The following AFF2 variants were observed in gnomAD, a reference collection of about 807,000 sequenced individuals.
The protein encoded by AFF2 is AF4/FMR2 family member 2.
Under a neutral mutation model 76.9 loss-of-function variants are expected in AFF2, and 14 were observed. That is an observed-to-expected ratio of 0.18 (90% CI 0.12 to 0.28). The LOEUF (loss-of-function observed/expected upper bound fraction) is 0.28, where lower values mean the gene tolerates loss of function less well. AFF2 is among the 10% of genes least tolerant of loss of function. AFF2 has a pLI of 1.00. For synonymous variants in AFF2, 398 were observed against 366.7 expected, an observed-to-expected ratio of 1.09 and a Z score of -0.98; for missense variants, 868 against 1,001.1, an observed-to-expected ratio of 0.87 and a Z score of 1.79.
At chrX:148,522,899 A>T (rs1227424652) in intron 1 of AFF2, among the ~76,000 whole-genome samples, 4 of 112,728 alleles carry the variant, frequency 3.5e-5, no homozygotes, top group African/African-American at 9.7e-5. Flanking sequence ...GCTCTACGTG[A>T]TCACACATGT....
At chrX:148,942,806 A>T (rs782065318) in intron 9 of AFF2, among the ~76,000 whole-genome samples, 1 of 76,422 alleles carries the variant, frequency 1.3e-5, no homozygotes, top group East Asian at 4.5e-4. Context: ...ATAGTGTGAG[A>T]CTCCATCTCA....
In AFF2 at chrX:148,999,194, T is replaced by C. The variant is rs189235006; in HGVS notation, c.*7862T>C. 19 of 111,388 alleles carry C rather than the reference T, an allele frequency of 1.7e-4. No individual in the cohort carries two copies. Among genetic ancestry groups the C allele is most frequent in the Admixed American group, 8.6e-4 (9 of 10,474 alleles). The allele number at this position is 111,388 out of a possible 1,213,427, so 9.2% of individuals were successfully genotyped here. Reference sequence around the variant, plus strand: ...ACTTGCAAAATACCCCTGAGAGTTGTCAGGGGTGTCTTCTGCCTGGTCTAT... The same window carrying C: ...ACTTGCAAAATACCCCTGAGAGTTGCCAGGGGTGTCTTCTGCCTGGTCTAT... On this transcript the variant is annotated 3_prime_UTR_variant, in exon 21 of 21. Coordinates refer to ENST00000370460, the MANE Select transcript of AFF2 (RefSeq NM_002025.4).
intron 1 of AFF2, among the ~76,000 whole-genome samples, chrX:148,579,422 C>G (rs2053329393): frequency 9.0e-6 from 1 of 111,294 alleles, no homozygotes; most frequent in African/African-American, 3.3e-5. Flanking sequence ...CAATGCAAGG[C>G]CAAACACAAT....
intron 3 of AFF2, among the ~76,000 whole-genome samples, chrX:148,750,183 T>C (rs2124574338): frequency 9.1e-6 from 1 of 110,356 alleles, no homozygotes; most frequent in South Asian, 3.9e-4. Flanking sequence ...TTGGCCAGGC[T>C]GGTCTCGAAC....
intron 7 of AFF2, among the ~76,000 whole-genome samples, chrX:148,857,000 G>A (rs1210905587): frequency 8.9e-6 from 1 of 112,047 alleles, no homozygotes; most frequent in Non-Finnish European, 1.9e-5. Context: ...TTCAGACTCT[G>A]CCTTTAATTA....
intron 3 of AFF2, among the ~76,000 whole-genome samples, chrX:148,741,455 G>C (rs868978024): frequency 4.5e-5 from 5 of 110,616 alleles, no homozygotes; most frequent in African/African-American, 1.7e-4. Flanking sequence ...TAGCTCCCAC[G>C]CAAACTGAAT....
chrX:148,828,066 C>T (rs2070410430), intron 4 of AFF2, among the ~76,000 whole-genome samples: 1 of 110,645 alleles, frequency 9.0e-6, no homozygotes, highest in East Asian at 2.8e-4. Context: ...ATGAAAGCCT[C>T]GCGAATTATC....
At chrX:148,884,017 G>A (rs1446644919) in intron 7 of AFF2, among the ~76,000 whole-genome samples, 1 of 110,776 alleles carries the variant, frequency 9.0e-6, no homozygotes, top group African/African-American at 3.3e-5. Flanking sequence ...GGAAAGTAAA[G>A]CCATTTATAA....
At chrX:148,830,602 C>A (rs1422968435) in intron 4 of AFF2, among the ~76,000 whole-genome samples, 2 of 111,642 alleles carry the variant, frequency 1.8e-5, no homozygotes, top group Non-Finnish European at 3.8e-5. Context: ...TGATGCCCCC[C>A]AAACTGCAAA....
At position 148,885,849 on chromosome X, in the gene AFF2, TA is replaced by T. The variant is rs781943230; in HGVS notation, c.1263-39del. The T allele has an allele frequency of 6.6e-6, 7 of 1,066,671 alleles. No homozygotes were observed. The South Asian group carries it at 1.3e-4, about 20-fold the overall frequency. 87.9% of individuals were successfully genotyped at this position (1,066,671 alleles called of 1,213,427 possible). ...ATGTATCCGAGGATGATTTAGAAAA[TA>T]TGCCTTCTAACTCAAACACCACTCT... On this transcript the variant is annotated intron_variant, in intron 7 of 20. Transcript: ENST00000370460.
intron 1 of AFF2, among the ~76,000 whole-genome samples, chrX:148,622,899 T>G (rs112888300): frequency 0.015 from 1,650 of 111,722 alleles, 30 homozygotes; most frequent in African/African-American, 0.051. Context: ...TATAGTATTT[T>G]AACTGAGTTG....
At position 148,824,504 on chromosome X, in the gene AFF2, C is replaced by T. The variant is rs1260411172; in HGVS notation, c.1087-13143C>T. On this transcript the variant is annotated intron_variant, in intron 4 of 20. Transcript: ENST00000370460. ...ATCATTTTACAATGTATACATACAT[C>T]AGAAACTCACATTGTATACCATAAA... is the stretch of plus-strand genomic sequence containing the variant. 2.7e-5 allele frequency among the ~76,000 whole-genome samples: 3 copies of T among 111,990 alleles called. No homozygotes were observed. In the Admixed American group the frequency reaches 2.8e-4, roughly 11 times the overall value.
At chrX:148,570,677 T>C (rs1474817008) in intron 1 of AFF2, among the ~76,000 whole-genome samples, 1 of 111,329 alleles carries the variant, frequency 9.0e-6, no homozygotes, top group Non-Finnish European at 1.9e-5. Flanking sequence ...ACAATAGAAA[T>C]GTTTTGTTTC....
chrX:148,882,258 C>T (rs1557278578), intron 7 of AFF2, among the ~76,000 whole-genome samples: 1 of 111,782 alleles, frequency 8.9e-6, no homozygotes, highest in Admixed American at 9.5e-5. Context: ...CTCAGAAAAT[C>T]AAGGACAAAG....
At chrX:148,917,831 T>C (rs187173085) in intron 9 of AFF2, among the ~76,000 whole-genome samples, 1 of 112,484 alleles carries the variant, frequency 8.9e-6, no homozygotes, top group African/African-American at 3.2e-5. Flanking sequence ...TGGTCACATC[T>C]CAGTGATGGG....
chrX:148,743,299 T>C (rs2055382840), intron 3 of AFF2, among the ~76,000 whole-genome samples: 1 of 112,245 alleles, frequency 8.9e-6, no homozygotes, highest in African/African-American at 3.2e-5. Flanking sequence ...TTCTGACTAA[T>C]GGAAAGAATT....
chrX:148,858,400 A>C (rs2124041008), intron 7 of AFF2, among the ~76,000 whole-genome samples: 1 of 111,596 alleles, frequency 9.0e-6, no homozygotes, highest in East Asian at 2.8e-4. Context: ...ATACAGATAA[A>C]AAGGTAGTTT....
chrX:148,850,832 G>T (rs868991238), intron 7 of AFF2, among the ~76,000 whole-genome samples: 17 of 111,557 alleles, frequency 1.5e-4, no homozygotes, highest in African/African-American at 4.9e-4. Context: ...TGGCAGGGCT[G>T]GGACTAGAAG....
intron 9 of AFF2, among the ~76,000 whole-genome samples, chrX:148,944,022 G>A (rs180930576): frequency 8.9e-6 from 1 of 112,170 alleles, no homozygotes; most frequent in East Asian, 2.8e-4. Flanking sequence ...AAATTGAGCA[G>A]CAGGTCTAAG....
Sources: allele counts gnomAD v4.1 joint callset (sites outside exome capture counted in the v4.1 genomes callset), GRCh38; gene constraint gnomAD v4.1.1; transcripts MANE v1.5; gene names NCBI Gene and HGNC (gene_info 2026-07-23, HGNC 2026-07-21).